Variants in POU6F2 observed in about 807,000 individuals in gnomAD.
POU6F2 encodes the protein POU class 6 homeobox 2.
A neutral mutation model predicts 71.3 loss-of-function variants in POU6F2; 31 were observed. The ratio of observed to expected loss-of-function variants is 0.43; its 90% CI spans 0.33 to 0.59. The LOEUF is 0.59. POU6F2 is among the 20% of genes least tolerant of loss of function. The pLI, the probability that POU6F2 is intolerant of heterozygous loss-of-function variation, is 0.04. For synonymous variants in POU6F2, 347 were observed against 355.7 expected, an observed-to-expected ratio of 0.98 and a Z score of 0.27; for missense variants, 783 against 856.8, an observed-to-expected ratio of 0.91 and a Z score of 1.07.
intron 1 of POU6F2, among the ~76,000 whole-genome samples, chr7:39,009,971 G>A (rs1048072733): frequency 2.4e-4 from 36 of 152,080 alleles, no homozygotes; most frequent in African/African-American, 8.2e-4. Flanking sequence ...CAAGGATACT[G>A]GTCTAAAATT....
At chr7:39,253,546 G>A (rs1783965313) in intron 4 of POU6F2, among the ~76,000 whole-genome samples, 1 of 152,148 alleles carries the variant, frequency 6.6e-6, no homozygotes, top group African/African-American at 2.4e-5. Context: ...TTCTAATGAG[G>A]GAATGAAATT....
chr7:39,417,537 A>G (rs1787707625), intron 6 of POU6F2, among the ~76,000 whole-genome samples: 1 of 152,224 alleles, frequency 6.6e-6, no homozygotes, highest in Non-Finnish European at 1.5e-5. Context: ...AGAAGATGTC[A>G]TCAGGTGGAG....
intron 1 of POU6F2, among the ~76,000 whole-genome samples, chr7:38,986,413 A>G (rs1172849988): frequency 6.6e-6 from 1 of 152,070 alleles, no homozygotes; most frequent in Non-Finnish European, 1.5e-5. Context: ...TATTGTGGTT[A>G]TTTCCTTCCA....
intron 7 of POU6F2, among the ~76,000 whole-genome samples, chr7:39,448,863 C>T (rs1432952386): frequency 1.3e-5 from 2 of 152,166 alleles, no homozygotes; most frequent in South Asian, 2.1e-4. Flanking sequence ...CAACTCAATA[C>T]GTTATAGGGG....
At chr7:39,271,895 A>G (rs1784346799) in intron 4 of POU6F2, among the ~76,000 whole-genome samples, 1 of 152,216 alleles carries the variant, frequency 6.6e-6, no homozygotes, top group East Asian at 1.9e-4. Flanking sequence ...TCTGCAGAAG[A>G]AAAACTTTAC....
chr7:38,992,192 C>T (rs952399510), intron 1 of POU6F2, among the ~76,000 whole-genome samples: 30 of 152,152 alleles, frequency 2.0e-4, no homozygotes, highest in African/African-American at 6.0e-4. Flanking sequence ...GTAGAATGCT[C>T]GTCTCAAGTG....
intron 1 of POU6F2, among the ~76,000 whole-genome samples, chr7:39,032,049 C>T (rs1209209829): frequency 1.3e-5 from 2 of 152,170 alleles, no homozygotes; most frequent in Non-Finnish European, 2.9e-5. Flanking sequence ...TCAATGGTCT[C>T]CTTTGGATGC....
chr7:39,069,602 T>C (rs1408016393), intron 1 of POU6F2, among the ~76,000 whole-genome samples: 1 of 152,174 alleles, frequency 6.6e-6, no homozygotes, highest in Non-Finnish European at 1.5e-5. Flanking sequence ...TAACTGCCAA[T>C]AGCCTACTGT....
chr7:39,266,496 A>G (rs1784244669), intron 4 of POU6F2, among the ~76,000 whole-genome samples: 1 of 152,088 alleles, frequency 6.6e-6, no homozygotes, highest in African/African-American at 2.4e-5. Context: ...GGTCCCTTGC[A>G]TCTCCCTGTG....
chr7:39,154,161 A>T (rs112209639), intron 2 of POU6F2, among the ~76,000 whole-genome samples: 5 of 152,322 alleles, frequency 3.3e-5, no homozygotes, highest in African/African-American at 1.2e-4. Flanking sequence ...ATTTAAAATC[A>T]AGTTAAAGGG....
rs370300495 is a variant in POU6F2, at chr7:39,168,858, G to T, written c.278-35377G>T. ...CATTGGGAAGAAAACTACCACACCA[G>T]AGCCGGCAGTGATTGCTGCTTTGAA... On this transcript the variant is annotated intron_variant, in intron 2 of 9. Transcript: ENST00000518318. 1.8e-4 allele frequency among the ~76,000 whole-genome samples: 28 copies of T among 152,294 alleles called. No homozygotes were observed. The South Asian group carries it at 5.8e-3, about 32-fold the overall frequency.
chr7:39,313,664 A>T (rs1243958743), intron 4 of POU6F2, among the ~76,000 whole-genome samples: 1 of 152,146 alleles, frequency 6.6e-6, no homozygotes, highest in Non-Finnish European at 1.5e-5. Context: ...AGTTAAACGG[A>T]GGGGTCTGAA....
chr7:39,042,546 G>C (rs1388303869), intron 1 of POU6F2, among the ~76,000 whole-genome samples: 2 of 152,004 alleles, frequency 1.3e-5, no homozygotes, highest in Non-Finnish European at 2.9e-5. Flanking sequence ...TTGACATGTA[G>C]CATGAACAAG....
At chr7:39,261,535 C>T (rs781694101) in intron 4 of POU6F2, among the ~76,000 whole-genome samples, 4 of 152,148 alleles carry the variant, frequency 2.6e-5, no homozygotes, top group Non-Finnish European at 5.9e-5. Flanking sequence ...ATCTTCCCCA[C>T]AATCCTCAGG....
intron 4 of POU6F2, among the ~76,000 whole-genome samples, chr7:39,321,689 TTA>T (rs1381269432): frequency 6.6e-6 from 1 of 152,090 alleles, no homozygotes; most frequent in African/African-American, 2.4e-5. Context: ...ACAGTTGAAG[TTA>T]TGTTTATAAG....
chr7:39,365,250 A>T (rs1786475790), intron 5 of POU6F2, among the ~76,000 whole-genome samples: 1 of 152,204 alleles, frequency 6.6e-6, no homozygotes, highest in South Asian at 2.1e-4. Flanking sequence ...CTTACAGCCA[A>T]GTGATCTTTG....
chr7:39,244,684 A>C lies in POU6F2; in HGVS notation c.598+37064A>C, dbSNP rs554680658. ...AGTGTAATGTTAATATAGAAAAATC[A>C]TAGCCTGTGGTCATCTATCCCATGA... On this transcript the variant is annotated intron_variant, in intron 4 of 9. Coordinates refer to ENST00000518318, the MANE Select transcript of POU6F2 (RefSeq NM_001370959.1). Among the ~76,000 whole-genome samples the C allele has an allele frequency of 7.2e-5, 11 of 152,264 alleles. No individual in the cohort carries two copies. The East Asian group carries it at 2.1e-3, about 29-fold the overall frequency.
intron 4 of POU6F2, among the ~76,000 whole-genome samples, chr7:39,314,883 T>TA (rs147022668): frequency 3.5e-3 from 513 of 147,272 alleles, no homozygotes; most frequent in African/African-American, 0.011. Context: ...GTAGATAACT[T>TA]AAAAAAAAAA....
intron 4 of POU6F2, among the ~76,000 whole-genome samples, chr7:39,211,972 A>T (rs1175724852): frequency 1.3e-5 from 2 of 151,142 alleles, no homozygotes; most frequent in Non-Finnish European, 1.5e-5. Flanking sequence ...ACCTGTCAGG[A>T]ACTCTCCATT....
Sources: gnomAD v4.1 joint callset for allele counts (sites outside exome capture counted in the v4.1 genomes callset) on GRCh38, gnomAD v4.1.1 for gene constraint, MANE v1.5 for transcripts, NCBI Gene and HGNC (gene_info 2026-07-23, HGNC 2026-07-21) for gene names.